Variants in L3MBTL3 observed in about 807,000 individuals in gnomAD.
The protein encoded by L3MBTL3 is lethal(3)malignant brain tumor-like protein 3.
Under a neutral mutation model 102.3 loss-of-function variants are expected in L3MBTL3, and 27 were observed. The ratio of observed to expected loss-of-function variants is 0.26; its 90% CI spans 0.19 to 0.36. The LOEUF is 0.36. Ranked by LOEUF, L3MBTL3 falls within the 10% of genes least tolerant of loss-of-function variation. The pLI is 1.00. For synonymous variants in L3MBTL3, 340 were observed against 320.9 expected, an observed-to-expected ratio of 1.06 and a Z score of -0.64; for missense variants, 798 against 955.3, an observed-to-expected ratio of 0.84 and a Z score of 2.17.
chr6:130,038,988 T>C (rs913084184), intron 2 of L3MBTL3, among the ~76,000 whole-genome samples: 2 of 152,132 alleles, frequency 1.3e-5, no homozygotes, highest in Non-Finnish European at 2.9e-5. Context: ...TAGCTGTAAT[T>C]AAAAGAAACA....
At chr6:130,124,181 G>A (rs1391335527) in intron 20 of L3MBTL3, among the ~76,000 whole-genome samples, 1 of 152,116 alleles carries the variant, frequency 6.6e-6, no homozygotes, top group East Asian at 1.9e-4. Flanking sequence ...ACCAATCCTC[G>A]GATGTTTGCT....
intron 14 of L3MBTL3, among the ~76,000 whole-genome samples, chr6:130,079,297 G>A (rs62421348): frequency 0.054 from 8,232 of 152,198 alleles, 335 homozygotes; most frequent in Admixed American, 0.14. Context: ...TGCTAGTGGT[G>A]CCTTTGTGTT....
intron 8 of L3MBTL3, among the ~76,000 whole-genome samples, chr6:130,056,262 C>T (rs1294514591): frequency 6.6e-6 from 1 of 152,032 alleles, no homozygotes; most frequent in Admixed American, 6.6e-5. Context: ...CCTCAGGCAG[C>T]ATTTTATTTC....
intron 2 of L3MBTL3, among the ~76,000 whole-genome samples, chr6:130,029,459 A>G (rs1313269852): frequency 6.6e-6 from 1 of 152,188 alleles, no homozygotes; most frequent in Admixed American, 6.5e-5. Context: ...AAGGTTGCGA[A>G]TGGCCTAGTC....
At chr6:130,131,711 G>A (rs2114407008) in intron 20 of L3MBTL3, among the ~76,000 whole-genome samples, 1 of 152,252 alleles carries the variant, frequency 6.6e-6, no homozygotes, top group Non-Finnish European at 1.5e-5. Context: ...CTAAACAGGG[G>A]GTGGATTATT....
intron 9 of L3MBTL3, 58 bp from the exon 10 acceptor site, chr6:130,059,978 C>A: frequency 1.1e-6 from 1 of 897,220 alleles, no homozygotes; most frequent in Non-Finnish European, 1.8e-6. Context: ...TAACTATTTA[C>A]ATCTTTAAAT....
chr6:130,137,683 G>A (rs968051212), intron 22 of L3MBTL3: 6 of 151,736 alleles, frequency 4.0e-5, no homozygotes, highest in African/African-American at 1.5e-4. Context: ...CTTGCTGTCT[G>A]CGCCAGGCCT....
chr6:130,135,461 A>G (rs1294190333), intron 22 of L3MBTL3, among the ~76,000 whole-genome samples: 1 of 152,226 alleles, frequency 6.6e-6, no homozygotes, highest in Non-Finnish European at 1.5e-5. Context: ...TGAAAATAAT[A>G]AAGCATTTTT....
chr6:130,068,544 C>T (rs964089518), intron 12 of L3MBTL3, 123 bp downstream of exon 12: 2 of 544,034 alleles, frequency 3.7e-6, no homozygotes, highest in Non-Finnish European at 6.5e-6. Flanking sequence ...ATAGAGTACT[C>T]TTATCTTAAT....
chr6:130,038,106 T>A (rs954313097), intron 2 of L3MBTL3, among the ~76,000 whole-genome samples: 4 of 152,144 alleles, frequency 2.6e-5, no homozygotes, highest in Non-Finnish European at 5.9e-5. Context: ...TGACAGGATT[T>A]CATTCTTTTT....
chr6:130,036,497 A>G (rs1012352738), intron 2 of L3MBTL3, among the ~76,000 whole-genome samples: 4 of 152,204 alleles, frequency 2.6e-5, no homozygotes, highest in African/African-American at 9.6e-5. Flanking sequence ...TATCATTAGT[A>G]CTGTTTCATA....
chr6:130,107,404 G>T (rs1198863201), intron 19 of L3MBTL3, among the ~76,000 whole-genome samples: 2 of 152,044 alleles, frequency 1.3e-5, no homozygotes, highest in African/African-American at 4.8e-5. Flanking sequence ...ATACAAAGAG[G>T]TTGAAAAATA....
chr6:130,109,336 G>A (rs566117384), intron 19 of L3MBTL3, among the ~76,000 whole-genome samples: 1 of 152,260 alleles, frequency 6.6e-6, no homozygotes, highest in Admixed American at 6.5e-5. Context: ...GTGTAAAAGT[G>A]TTCCTATTTC....
chr6:130,132,772 T>G (rs1182727267), intron 20 of L3MBTL3, among the ~76,000 whole-genome samples: 3 of 152,074 alleles, frequency 2.0e-5, no homozygotes, highest in African/African-American at 7.2e-5. Context: ...AGTAGGGTTT[T>G]TTTTTTTCTT....
rs1788094682 is a variant in L3MBTL3, at chr6:130,139,599, C to T, written c.2200-11C>T. On this transcript the variant is annotated splice_polypyrimidine_tract_variant and intron_variant, in intron 22 of 22. Coordinates refer to ENST00000361794, the MANE Select transcript of L3MBTL3 (RefSeq NM_032438.4). ...TAATCCACATTCTGTTGTTTTTTTCCCCCATTTTAGCAAATTGATGGAGAA... is the reference window on the plus strand; with the variant it reads ...TAATCCACATTCTGTTGTTTTTTTCTCCCATTTTAGCAAATTGATGGAGAA... 5 of 1,607,332 alleles carry T rather than the reference C, an allele frequency of 3.1e-6. No individual in the cohort carries two copies. Among genetic ancestry groups the T allele is most frequent in the Non-Finnish European group, 4.2e-6 (5 of 1,176,540 alleles).
intron 22 of L3MBTL3, 144 bp downstream of exon 22, chr6:130,134,049 G>T: frequency 1.6e-6 from 1 of 632,124 alleles, no homozygotes; most frequent in Non-Finnish European, 2.8e-6. Context: ...CTAACAGGCA[G>T]TATGAATCAG....
intron 8 of L3MBTL3, among the ~76,000 whole-genome samples, chr6:130,055,710 C>G (rs1169174749): frequency 2.2e-5 from 3 of 139,272 alleles, no homozygotes; most frequent in Non-Finnish European, 4.7e-5. Context: ...TTCTCTCTCT[C>G]TCTCTCTCTG....
chr6:130,070,822 A>T (rs1782592620), intron 12 of L3MBTL3, 154 bp from the exon 13 acceptor site: 6 of 165,880 alleles, frequency 3.6e-5, no homozygotes, highest in Non-Finnish European at 5.4e-5. Context: ...GGCTTGTTGG[A>T]AAGCGACCCT....
At chr6:130,057,162 C>T (rs553740263) in intron 8 of L3MBTL3, among the ~76,000 whole-genome samples, 1 of 152,316 alleles carries the variant, frequency 6.6e-6, no homozygotes, top group Admixed American at 6.5e-5. Context: ...TTCCTGCTGT[C>T]TTCTTCCTTT....
Sources: allele counts gnomAD v4.1 joint callset (sites outside exome capture counted in the v4.1 genomes callset), GRCh38; gene constraint gnomAD v4.1.1; transcripts MANE v1.5; gene names NCBI Gene and HGNC (gene_info 2026-07-23, HGNC 2026-07-21).